The following ROBO2 variants were observed in gnomAD, a reference collection of about 807,000 sequenced individuals.
ROBO2 encodes the protein roundabout homolog 2.
Under a neutral mutation model 160.8 loss-of-function variants are expected in ROBO2, and 53 were observed. That is an observed-to-expected ratio of 0.33 (90% CI 0.26 to 0.41). The LOEUF is 0.41. ROBO2 is among the 10% of genes least tolerant of loss of function. The probability of loss-of-function intolerance (pLI) is 1.00; values close to 1 mark genes in which losing one functional copy is unlikely to be tolerated. For missense variants in ROBO2, 1,577 were observed against 1,722.4 expected, an observed-to-expected ratio of 0.92 and a Z score of 1.49; for synonymous variants, 664 against 611.7, an observed-to-expected ratio of 1.09 and a Z score of -1.26.
intron 2 of ROBO2, among the ~76,000 whole-genome samples, chr3:76,927,354 C>T (rs2077049851): frequency 6.6e-6 from 1 of 152,132 alleles, no homozygotes; most frequent in South Asian, 2.1e-4. Flanking sequence ...GTGGATTCTT[C>T]CAAACTTCTA....
chr3:77,359,775 C>T (rs1275125537), intron 2 of ROBO2, among the ~76,000 whole-genome samples: 2 of 152,112 alleles, frequency 1.3e-5, no homozygotes, highest in East Asian at 3.9e-4. Context: ...AACTCCTGGG[C>T]TCAAGTGATC....
chr3:77,159,098 C>A (rs904144733), intron 2 of ROBO2, among the ~76,000 whole-genome samples: 1 of 152,098 alleles, frequency 6.6e-6, no homozygotes, highest in Non-Finnish European at 1.5e-5. Context: ...AAGGCAGGGA[C>A]TGTTGCACCT....
intron 1 of ROBO2, among the ~76,000 whole-genome samples, chr3:77,068,083 T>C (rs1240299001): frequency 6.6e-6 from 1 of 152,104 alleles, no homozygotes; most frequent in East Asian, 1.9e-4. Flanking sequence ...AAGTGTATAT[T>C]TGTAAAATTT....
intron 2 of ROBO2, among the ~76,000 whole-genome samples, chr3:77,032,172 C>T (rs1159232665): frequency 6.6e-6 from 1 of 152,132 alleles, no homozygotes; most frequent in Non-Finnish European, 1.5e-5. Flanking sequence ...ACTGCAAAAA[C>T]ATTCAGACCA....
chr3:76,471,262 A>G (rs1232542411), intron 2 of ROBO2, among the ~76,000 whole-genome samples: 3 of 152,156 alleles, frequency 2.0e-5, no homozygotes, highest in Non-Finnish European at 4.4e-5. Context: ...GAATAACTGG[A>G]TAAGAAGAAG....
intron 10 of ROBO2, 94 bp from the exon 12 acceptor site, chr3:77,563,073 A>C: frequency 8.8e-7 from 1 of 1,141,536 alleles, no homozygotes; most frequent in Admixed American, 1.8e-5. Flanking sequence ...CTCACTGTCT[A>C]GGTCAGGTCC....
intron 2 of ROBO2, among the ~76,000 whole-genome samples, chr3:77,314,520 G>A (rs143236173): frequency 6.6e-6 from 1 of 152,124 alleles, no homozygotes; most frequent in Non-Finnish European, 1.5e-5. Flanking sequence ...GATTCAACAG[G>A]ATTAAAATTT....
At chr3:76,656,539 G>A (rs1452857357) in intron 2 of ROBO2, among the ~76,000 whole-genome samples, 1 of 152,080 alleles carries the variant, frequency 6.6e-6, no homozygotes, top group East Asian at 1.9e-4. Context: ...AAATTGACAA[G>A]TAGAAGCATG....
At chr3:77,061,846 C>T (rs191297421) in intron 1 of ROBO2, among the ~76,000 whole-genome samples, 78 of 152,200 alleles carry the variant, frequency 5.1e-4, no homozygotes, top group Admixed American at 3.7e-3. Flanking sequence ...ACAGGAATAC[C>T]GTTTATTATT....
intron 2 of ROBO2, among the ~76,000 whole-genome samples, chr3:76,573,744 G>T (rs943362253): frequency 6.6e-6 from 1 of 151,952 alleles, no homozygotes; most frequent in African/African-American, 2.4e-5. Context: ...CAGTTTCATA[G>T]GAGCAGCTAA....
intron 6 of ROBO2, among the ~76,000 whole-genome samples, chr3:77,525,405 C>T (rs2091042100): frequency 7.6e-6 from 1 of 131,864 alleles, no homozygotes; most frequent in South Asian, 2.5e-4. Flanking sequence ...CAGTTATTTC[C>T]CATTTCAAAA....
intron 2 of ROBO2, among the ~76,000 whole-genome samples, chr3:75,939,236 A>C (rs1302472551): frequency 1.3e-5 from 2 of 152,094 alleles, no homozygotes. Flanking sequence ...TAGTGATCCA[A>C]CATGACATGT....
At chr3:76,194,353 AATAT>A (rs772196827) in intron 2 of ROBO2, among the ~76,000 whole-genome samples, 2,423 of 94,472 alleles carry the variant, frequency 0.026, 164 homozygotes, top group East Asian at 0.24. Context: ...ATGGTGTGTA[AATAT>A]ATATATATAT....
At chr3:77,226,669 G>A (rs2086535996) in intron 2 of ROBO2, among the ~76,000 whole-genome samples, 1 of 152,072 alleles carries the variant, frequency 6.6e-6, no homozygotes, top group African/African-American at 2.4e-5. Context: ...AGTCAAAAAG[G>A]CATTTAATAT....
intron 2 of ROBO2, among the ~76,000 whole-genome samples, chr3:76,814,525 C>A (rs2065491993): frequency 6.6e-6 from 1 of 152,068 alleles, no homozygotes; most frequent in Admixed American, 6.6e-5. Flanking sequence ...TAGGAAGCAG[C>A]TAAACGTGGT....
chr3:77,360,844 C>G (rs1670786608), intron 2 of ROBO2, among the ~76,000 whole-genome samples: 1 of 152,002 alleles, frequency 6.6e-6, no homozygotes, highest in Non-Finnish European at 1.5e-5. Flanking sequence ...TTTTGGGAAG[C>G]ATCCAAAGGT....
intron 2 of ROBO2, among the ~76,000 whole-genome samples, chr3:76,234,830 T>C (rs1704841574): frequency 6.6e-6 from 1 of 152,190 alleles, no homozygotes; most frequent in Non-Finnish European, 1.5e-5. Context: ...GGAGTGTTTA[T>C]CCTATGCCTG....
At chr3:76,640,344 C>A (rs111909918) in intron 2 of ROBO2, among the ~76,000 whole-genome samples, 8,556 of 152,014 alleles carry the variant, frequency 0.056, 758 homozygotes, top group African/African-American at 0.19. Flanking sequence ...CAGTCTGACC[C>A]ACACGGTGAA....
intron 2 of ROBO2, among the ~76,000 whole-genome samples, chr3:76,469,118 C>T (rs767935701): frequency 6.6e-6 from 1 of 151,944 alleles, no homozygotes; most frequent in Non-Finnish European, 1.5e-5. Context: ...TTCTTATTCC[C>T]CGACCCCACA....
Sources: gnomAD v4.1 joint callset for allele counts (sites outside exome capture counted in the v4.1 genomes callset) on GRCh38, gnomAD v4.1.1 for gene constraint, MANE v1.5 for transcripts, NCBI Gene and HGNC (gene_info 2026-07-23, HGNC 2026-07-21) for gene names.